HACL1: variants seen among roughly 807,000 people sequenced by gnomAD.
HACL1 encodes the protein 2-hydroxyacyl-CoA lyase 1.
A neutral mutation model predicts 74.2 loss-of-function variants in HACL1; 64 were observed. The ratio of observed to expected loss-of-function variants is 0.86; its 90% CI spans 0.70 to 1.06. The LOEUF is 1.06. Among genes scored for constraint, HACL1 ranks in the 50% least tolerant of loss-of-function variants. HACL1 has a pLI of 0.00. For synonymous variants in HACL1, 230 were observed against 238.8 expected (o/e 0.96, Z 0.34); for missense variants, 728 against 719.7 (o/e 1.01, Z -0.13).
chr3:15,596,194 C>T, intron 3 of HACL1, 190 bp downstream of exon 3: 1 of 542,630 alleles, frequency 1.8e-6, no homozygotes, highest in African/African-American at 1.9e-5. Context: ...CAATGTGTTC[C>T]ACTCTGAAAC....
chr3:15,600,940 G>A (rs2064208937), intron 2 of HACL1, 150 bp downstream of exon 2: 1 of 640,024 alleles, frequency 1.6e-6, no homozygotes. Context: ...TCAACTTGGT[G>A]TAACAACAGT....
chr3:15,573,788 A>G (rs2063576329), intron 10 of HACL1, among the ~76,000 whole-genome samples: 1 of 152,224 alleles, frequency 6.6e-6, no homozygotes, highest in Non-Finnish European at 1.5e-5. Flanking sequence ...TTCCAAGAAC[A>G]TGGCACGATT....
At chr3:15,589,971 G>C (rs2063860798) in intron 4 of HACL1, among the ~76,000 whole-genome samples, 1 of 152,014 alleles carries the variant, frequency 6.6e-6, no homozygotes. Flanking sequence ...GGAAGCAGAG[G>C]TTACAGTGAG....
chr3:15,587,799 G>A (rs903380730), intron 5 of HACL1, among the ~76,000 whole-genome samples: 2 of 152,086 alleles, frequency 1.3e-5, no homozygotes, highest in South Asian at 2.1e-4. Flanking sequence ...TTATACTAGA[G>A]TTCAGTATTT....
intron 9 of HACL1, among the ~76,000 whole-genome samples, chr3:15,575,898 C>CT (rs1206860682): frequency 2.0e-5 from 3 of 151,784 alleles, no homozygotes; most frequent in African/African-American, 7.3e-5. Flanking sequence ...TGGCTCATGC[C>CT]TGTAATCCCA....
chr3:15,569,557 C>T (rs1482130122), intron 12 of HACL1, among the ~76,000 whole-genome samples: 2 of 152,122 alleles, frequency 1.3e-5, no homozygotes, highest in African/African-American at 2.4e-5. Context: ...TGCGGTGGCT[C>T]ACGCCTGTAA....
intron 12 of HACL1, among the ~76,000 whole-genome samples, chr3:15,570,527 A>G (rs1212351932): frequency 6.6e-6 from 1 of 151,630 alleles, no homozygotes; most frequent in African/African-American, 2.4e-5. Flanking sequence ...GGAATCACGC[A>G]TAAGACACAG....
rs1006929452 is a variant in HACL1, at chr3:15,573,388, A to G, written c.910-146T>C. ...TCAGAAGTTCCTTAATAAAAAAAGT[A>G]AAAGTCCATAGAACTATATTAGTAT... On this transcript the variant is annotated intron_variant, in intron 10 of 16. Transcript: ENST00000321169. 5.0e-6 allele frequency: 3 copies of G among 595,042 alleles called. No homozygotes were observed. In the South Asian group the frequency reaches 6.4e-5, roughly 13 times the overall value. The allele number at this position is 595,042 out of a possible 1,614,324, so 36.9% of individuals were successfully genotyped here.
At chr3:15,568,920 T>G (rs1375020174) in intron 12 of HACL1, among the ~76,000 whole-genome samples, 1 of 152,220 alleles carries the variant, frequency 6.6e-6, no homozygotes, top group Non-Finnish European at 1.5e-5. Flanking sequence ...AAACTAAACG[T>G]TCTTATTTGA....
intron 3 of HACL1, 25 bp downstream of exon 3, chr3:15,596,359 T>G (rs1559564564): frequency 7.5e-7 from 1 of 1,340,878 alleles, no homozygotes; most frequent in Non-Finnish European, 1.1e-6. Flanking sequence ...TTAAAGTAAT[T>G]GAAGTGAAAC....
At chr3:15,585,391 T>C (rs780895510) in intron 6 of HACL1, 49 bp from the exon 7 acceptor site, 5 of 994,646 alleles carry the variant, frequency 5.0e-6, no homozygotes, top group East Asian at 4.8e-5. Context: ...CTCAGTCTTA[T>C]CATATTCTAC....
chr3:15,583,512 C>A (rs1456397779), intron 7 of HACL1, among the ~76,000 whole-genome samples: 2 of 152,048 alleles, frequency 1.3e-5, no homozygotes, highest in South Asian at 4.1e-4. Context: ...CATTTCACCA[C>A]TGAGGAAAAA....
At chr3:15,564,155 A>C (rs2063393161) in intron 15 of HACL1, among the ~76,000 whole-genome samples, 1 of 152,228 alleles carries the variant, frequency 6.6e-6, no homozygotes, top group Non-Finnish European at 1.5e-5. Context: ...TCAGATGATC[A>C]AGATTTAGCT....
intron 16 of HACL1, among the ~76,000 whole-genome samples, chr3:15,563,152 G>A (rs1415777714): frequency 6.6e-6 from 1 of 152,188 alleles, no homozygotes; most frequent in Non-Finnish European, 1.5e-5. Context: ...CGTGAGGACC[G>A]AGCCTGGTTT....
intron 9 of HACL1, 93 bp from the exon 10 acceptor site, chr3:15,575,175 T>C (rs969400611): frequency 4.5e-6 from 3 of 669,410 alleles, no homozygotes; most frequent in Non-Finnish European, 8.0e-6. Context: ...TCTAAATCAT[T>C]TGGAGCTTAC....
intron 2 of HACL1, among the ~76,000 whole-genome samples, chr3:15,599,555 T>C (rs2064140862): frequency 6.6e-6 from 1 of 151,560 alleles, no homozygotes; most frequent in Admixed American, 6.6e-5. Context: ...TCCCACAACC[T>C]CCCCTCAACC....
At chr3:15,563,314 G>A in intron 16 of HACL1, 44 bp downstream of exon 16, 7 of 1,306,750 alleles carry the variant, frequency 5.4e-6, no homozygotes, top group Non-Finnish European at 7.7e-6. Flanking sequence ...GGGGATAGGG[G>A]AAGCAGATGC....
rs755938333 is a variant in HACL1, at chr3:15,567,844, C to T, written c.1409G>A (p.Arg470Lys). ...GCTCTGATTCAGGATGATGTTTTAC[C>T]TGCAGATGGTTTCTACCTCCATGCC... is the stretch of plus-strand genomic sequence containing the variant. ...FSGMEVETIC[R>K]YNLPIILLVV... Residue 470 changes from arginine to lysine, a missense_variant and splice_region_variant, in exon 14 of 17, where the codon AGG becomes AAG. Coordinates refer to ENST00000321169, the MANE Select transcript of HACL1 (RefSeq NM_012260.4). 3.1e-6 allele frequency: 5 copies of T among 1,612,788 alleles called. No homozygotes were observed. The highest frequency in any genetic ancestry group is 1.7e-5 in the Admixed American group (1 of 60,008).
chr3:15,593,188 CAT>C (rs1370075778), intron 3 of HACL1, among the ~76,000 whole-genome samples: 33 of 148,816 alleles, frequency 2.2e-4, no homozygotes, highest in African/African-American at 4.2e-4. Flanking sequence ...TATATACACA[CAT>C]ATATATGTGC....
Sources: gnomAD v4.1 joint callset for allele counts (sites outside exome capture counted in the v4.1 genomes callset) on GRCh38, gnomAD v4.1.1 for gene constraint, MANE v1.5 for transcripts, NCBI Gene and HGNC (gene_info 2026-07-23, HGNC 2026-07-21) for gene names.